Variants in MIB1 observed in about 807,000 individuals in gnomAD.
MIB1 encodes the protein MIB E3 ubiquitin protein ligase 1, also known as E3 ubiquitin-protein ligase MIB1.
A neutral mutation model predicts 124.5 loss-of-function variants in MIB1; 278 were observed. That is an observed-to-expected ratio of 2.23 (90% CI 2.02 to 2.47). MIB1 has a LOEUF of 2.47. Among genes scored for constraint, MIB1 ranks in the 30% most tolerant of loss-of-function variants. The probability of loss-of-function intolerance (pLI) is 0.00; values close to 1 mark genes in which losing one functional copy is unlikely to be tolerated. For synonymous variants in MIB1, 446 were observed against 429.4 expected, an observed-to-expected ratio of 1.04 and a Z score of -0.48; for missense variants, 957 against 1,254.4, an observed-to-expected ratio of 0.76 and a Z score of 3.58.
Position 21,799,970 on chromosome 18 carries a change from T to G in MIB1, c.1367T>G (p.Val456Gly), listed in dbSNP as rs1191444944. The G allele has an allele frequency of 6.2e-7, 1 of 1,610,000 alleles. No homozygotes were observed. Among genetic ancestry groups the G allele is most frequent in the African/African-American group, 1.3e-5 (1 of 74,938 alleles). Residue 456 changes from valine (V) to glycine (G), a missense_variant, in exon 9 of 21, where the codon GTG becomes GGG. By Grantham distance (109) the Val-to-Gly change is moderately radical. Coordinates refer to ENST00000261537, the MANE Select transcript of MIB1 (RefSeq NM_020774.4). ...GAAGATTTGCTTAAAAGACCAGATGTGGATGTGAGCATTTTAAAAATTATT... is the reference window on the plus strand; with the variant it reads ...GAAGATTTGCTTAAAAGACCAGATGGGGATGTGAGCATTTTAAAAATTATT... ...KVEDLLKRPDVDVNGQCAGHT... is the reference protein window; with the variant it reads ...KVEDLLKRPDGDVNGQCAGHT...
rs969735872 is a variant in MIB1, at chr18:21,741,250, G to T, written c.-334G>T. On this transcript the variant is annotated 5_prime_UTR_variant, in exon 1 of 21. Coordinates refer to ENST00000261537, the MANE Select transcript of MIB1 (RefSeq NM_020774.4). The surrounding 1 kb of genome is among the most constrained non-coding windows in gnomAD (Gnocchi z 5.4). ...CGGGGGAGAGCGTGGTTTCCTTGCG[G>T]CCGTCGCTGTAGCCTGGCCGGGGAG... The T allele has an allele frequency of 6.5e-6, 1 of 154,038 alleles. No homozygotes were observed. The highest frequency in any genetic ancestry group is 1.4e-5 in the Non-Finnish European group (1 of 69,386). The allele number at this position is 154,038 out of a possible 1,614,324, so 9.5% of individuals were successfully genotyped here.
rs922814543 is a variant in MIB1, at chr18:21,867,090, A to G, written c.*2424A>G. ...AAAAGAGCTTTTACTTTTCTTAGAA[A>G]CATTTATAAAAAAGAAAAAAACTGA... On this transcript the variant is annotated 3_prime_UTR_variant, in exon 21 of 21. Coordinates refer to ENST00000261537, the MANE Select transcript of MIB1 (RefSeq NM_020774.4). 6.6e-6 allele frequency: 1 copy of G among 152,632 alleles called. No homozygotes were observed. Among genetic ancestry groups the G allele is most frequent in the Admixed American group, 6.5e-5 (1 of 15,276 alleles). The allele number at this position is 152,632 out of a possible 1,614,324, so 9.5% of individuals were successfully genotyped here.
intron 1 of MIB1, among the ~76,000 whole-genome samples, chr18:21,719,604 G>A (rs1468532049): frequency 2.7e-5 from 4 of 150,826 alleles, no homozygotes; most frequent in Admixed American, 2.0e-4. Flanking sequence ...ACGTCACCAC[G>A]CTGGGCTATT....
At chr18:21,811,916 CATG>C (rs1315263891) in intron 10 of MIB1, among the ~76,000 whole-genome samples, 1 of 151,982 alleles carries the variant, frequency 6.6e-6, no homozygotes, top group African/African-American at 2.4e-5. Context: ...ATTAAAAAAT[CATG>C]ATGGTTATTT....
chr18:21,810,733 T>A (rs2041763526), intron 10 of MIB1, among the ~76,000 whole-genome samples: 1 of 151,386 alleles, frequency 6.6e-6, no homozygotes, highest in African/African-American at 2.4e-5. Context: ...AAAAATAAAT[T>A]CAAAATACCT....
At chr18:21,837,198 C>A (rs925158920) in intron 12 of MIB1, among the ~76,000 whole-genome samples, 1 of 152,138 alleles carries the variant, frequency 6.6e-6, no homozygotes, top group Non-Finnish European at 1.5e-5. Flanking sequence ...ACTTTGGGTT[C>A]ATAAACCTGT....
intron 12 of MIB1, among the ~76,000 whole-genome samples, chr18:21,835,328 T>C (rs1335334518): frequency 6.6e-6 from 1 of 152,024 alleles, no homozygotes; most frequent in South Asian, 2.1e-4. Context: ...CTGGGGGCCA[T>C]TGGGAAGAAC....
chr18:21,721,868 G>C (rs1406968941), intron 1 of MIB1, among the ~76,000 whole-genome samples: 1 of 152,172 alleles, frequency 6.6e-6, no homozygotes, highest in Non-Finnish European at 1.5e-5. Context: ...TTACATTACT[G>C]TGGAGTGTTG....
chr18:21,789,692 C>A (rs1258152728), intron 6 of MIB1, among the ~76,000 whole-genome samples: 1 of 152,072 alleles, frequency 6.6e-6, no homozygotes, highest in African/African-American at 2.4e-5. Flanking sequence ...TGGTGCATGC[C>A]TGTAATCCCA....
intron 1 of MIB1, among the ~76,000 whole-genome samples, chr18:21,717,788 C>T (rs2040696138): frequency 6.6e-6 from 1 of 152,210 alleles, no homozygotes; most frequent in Non-Finnish European, 1.5e-5. Flanking sequence ...CACTTCTACA[C>T]TGCTGGTGGG....
intron 12 of MIB1, among the ~76,000 whole-genome samples, chr18:21,836,016 A>G (rs2146497242): frequency 6.6e-6 from 1 of 152,036 alleles, no homozygotes; most frequent in Non-Finnish European, 1.5e-5. Context: ...TGGGAGGCTA[A>G]GGCAGGTGGA....
chr18:21,791,667 C>T, intron 7 of MIB1, 110 bp downstream of exon 7: 1 of 848,530 alleles, frequency 1.2e-6, no homozygotes, highest in Non-Finnish European at 1.8e-6. Context: ...TAGAATTGTA[C>T]TCTCCATTTG....
chr18:21,824,748 C>T (rs1029913471), intron 12 of MIB1, among the ~76,000 whole-genome samples: 2 of 152,000 alleles, frequency 1.3e-5, no homozygotes, highest in Admixed American at 6.6e-5. Context: ...GTGTGAACAT[C>T]TGGGTCTTTA....
At chr18:21,785,528 A>G (rs1037403632) in intron 6 of MIB1, among the ~76,000 whole-genome samples, 1 of 152,140 alleles carries the variant, frequency 6.6e-6, no homozygotes, top group Non-Finnish European at 1.5e-5. Flanking sequence ...ACTCCTCCAC[A>G]TTGTGACTTG....
At chr18:21,719,365 A>C (rs183326861) in intron 1 of MIB1, among the ~76,000 whole-genome samples, 1 of 152,126 alleles carries the variant, frequency 6.6e-6, no homozygotes, top group Non-Finnish European at 1.5e-5. Flanking sequence ...ATGAAATCAT[A>C]TAAGTCGGTA....
In MIB1 at chr18:21,724,727, AATATATATATATATATATATAT is replaced by A. The variant is rs60650753; in HGVS notation, n.167+19629_167+19650del. Among the ~76,000 whole-genome samples, 7 of 17,376 alleles carry A rather than the reference AATATATATATATATATATATAT, an allele frequency of 4.0e-4. No individual in the cohort carries two copies. In the East Asian group the frequency reaches 5.9e-3, roughly 15 times the overall value. The allele number at this position is 17,376 out of a possible 152,430, so 11.4% of individuals were successfully genotyped here. A position where few individuals can be genotyped will look rare whatever the true frequency, so the allele number is the denominator to read the frequency against. ...CTCCCCCATCCAAAAAAAAAAAAAA[AATATATATATATATATATATAT>A]ATATATATATATATATATATATATT... is the stretch of plus-strand genomic sequence containing the variant. On this transcript the variant is annotated intron_variant and non_coding_transcript_variant, in intron 1 of 20. Transcript: ENST00000578646.
In MIB1 at chr18:21,765,946, A is replaced by C; in HGVS notation, c.401+3A>C. The C allele has an allele frequency of 1.2e-6, 2 of 1,613,854 alleles. No homozygotes were observed. Among genetic ancestry groups the C allele is most frequent in the East Asian group, 2.2e-5 (1 of 44,886 alleles). On this transcript the variant is annotated splice_donor_region_variant and intron_variant, in intron 2 of 20. Coordinates refer to ENST00000261537, the MANE Select transcript of MIB1 (RefSeq NM_020774.4). ...ATTACTACACCGGGAAGTGAGAGGT[A>C]GGGAGAACCCTTTTCTTCTTCAACC...
chr18:21,787,576 G>A (rs1260501238), intron 6 of MIB1, among the ~76,000 whole-genome samples: 1 of 152,150 alleles, frequency 6.6e-6, no homozygotes, highest in Non-Finnish European at 1.5e-5. Context: ...TGTAGAGACT[G>A]TGATTCCTGG....
chr18:21,793,679 A>C (rs1045366926), intron 7 of MIB1, among the ~76,000 whole-genome samples: 1 of 147,284 alleles, frequency 6.8e-6, no homozygotes, highest in Admixed American at 6.9e-5. Context: ...TACTTGGGAG[A>C]CTGAAGTGAG....
Sources: gnomAD v4.1 joint callset for allele counts (sites outside exome capture counted in the v4.1 genomes callset) on GRCh38, gnomAD v4.1.1 for gene constraint, Gnocchi (gnomAD v3.1) non-coding constraint, MANE v1.5 for transcripts, NCBI Gene and HGNC (gene_info 2026-07-23, HGNC 2026-07-21) for gene names.